The following ARRDC5 variants were observed in gnomAD, a reference collection of about 807,000 sequenced individuals.
The protein encoded by ARRDC5 is arrestin domain-containing protein 5.
Under a neutral mutation model 13.3 loss-of-function variants are expected in ARRDC5, and 12 were observed. The observed-to-expected ratio is 0.90, with a 90% confidence interval of 0.58 to 1.46. The LOEUF (loss-of-function observed/expected upper bound fraction) is 1.46, where lower values mean the gene tolerates loss of function less well. ARRDC5 is among the 40% of genes most tolerant of loss of function. ARRDC5 has a pLI of 0.00. For synonymous variants in ARRDC5, 181 were observed against 173.4 expected (o/e 1.04, Z -0.34); for missense variants, 406 against 418.7 (o/e 0.97, Z 0.26).
chr19:4,913,409 A>T, the ARRDC5 span, among the ~76,000 whole-genome samples: 1 of 151,734 alleles, frequency 6.6e-6, no homozygotes, highest in African/African-American at 2.4e-5. Context: ...ACCCACCACC[A>T]CGCCTGATTA....
rs1457032881 is a variant in ARRDC5, at chr19:4,891,048, A to G, written c.985T>C (p.Ter329GlnextTer46). ...VLPVNPDHQN[*>Q] ...TTAATATTTAAAAGTTCGGGCACTTAATTCTGGTGATCTGGGTTCACGGGT... is the reference window on the plus strand; with the variant it reads ...TTAATATTTAAAAGTTCGGGCACTTGATTCTGGTGATCTGGGTTCACGGGT... Residue 329 changes from the stop codon to glutamine (Q), a stop_lost, in exon 3 of 3, where the codon TAA becomes CAA. Transcript: ENST00000650722. 1 of 1,607,884 alleles carries G rather than the reference A, an allele frequency of 6.2e-7. No individual in the cohort carries two copies. Among genetic ancestry groups the G allele is most frequent in the Non-Finnish European group, 8.5e-7 (1 of 1,177,552 alleles).
chr19:4,896,313 CAAAAA>C (rs559677827), intron 2 of ARRDC5, among the ~76,000 whole-genome samples: 11,295 of 51,474 alleles, frequency 0.22, 1,727 homozygotes, highest in South Asian at 0.33. Context: ...GACTGCATCT[CAAAAA>C]AAAAAAAAAA....
In ARRDC5 at chr19:4,891,184, G is replaced by C. The variant is rs775411880; in HGVS notation, c.849C>G (p.Thr283=). 1.9e-6 allele frequency: 3 copies of C among 1,613,962 alleles called. No individual in the cohort carries two copies. Among genetic ancestry groups the C allele is most frequent in the Non-Finnish European group, 2.5e-6 (3 of 1,179,892 alleles). Residue 283 remains threonine (T), a synonymous_variant, in exon 3 of 3, where the codon ACC becomes ACG. Coordinates refer to ENST00000650722, the MANE Select transcript of ARRDC5 (RefSeq NM_001080523.3). ...TCAGGGACCAGGGCAGGTGCACGGT[G>C]GTGACCAGCTCGTAGCGAGTGTGCA... ...EIMHTRYELV[T]TVHLPWSLTS... is the part of the protein sequence containing the mutation.
Position 4,891,082 on chromosome 19 carries a change from G to A in ARRDC5, c.951C>T (p.Asp317=), listed in dbSNP as rs374918303. The A allele has an allele frequency of 8.5e-5, 137 of 1,613,580 alleles. No individual in the cohort carries two copies. Among genetic ancestry groups the A allele is most frequent in the Non-Finnish European group, 7.7e-5 (91 of 1,179,760 alleles). ...GATCTGGGTTCACGGGTAACACTCC[G>A]TCCTCTGACAGCTGGCAGATGGCAG... ...VDSAICQLSE[D]GVLPVNPDHQ... is the part of the protein sequence containing the mutation. Residue 317 remains aspartate (D), a synonymous_variant, in exon 3 of 3, where the codon GAC becomes GAT. Coordinates refer to ENST00000650722, the MANE Select transcript of ARRDC5 (RefSeq NM_001080523.3).
the ARRDC5 span, chr19:4,909,597 C>A: frequency 1.5e-6 from 1 of 646,246 alleles, no homozygotes; most frequent in Non-Finnish European, 2.8e-6. Context: ...GCGGTTTCAT[C>A]GCCATCCCCA....
intron 2 of ARRDC5, among the ~76,000 whole-genome samples, chr19:4,894,828 T>A (rs187538068): frequency 1.2e-3 from 190 of 152,216 alleles, no homozygotes; most frequent in Non-Finnish European, 2.3e-3. Context: ...AGGCAGACCC[T>A]TGACCCCCTC....
the ARRDC5 span, chr19:4,909,800 A>G: frequency 2.3e-6 from 1 of 435,688 alleles, no homozygotes; most frequent in Non-Finnish European, 4.0e-6. Flanking sequence ...CTTCCACCTA[A>G]CCCTCGGGAA....
Position 4,891,288 on chromosome 19 carries a change from T to G in ARRDC5, c.745A>C (p.Asn249His). 1.2e-6 allele frequency: 2 copies of G among 1,613,878 alleles called. No individual in the cohort carries two copies. The highest frequency in any genetic ancestry group is 1.1e-5 in the South Asian group (1 of 91,074). ...AAGGTGCTGACAACCTTGGTGGTGT[T>G]GAAGCGGGTCACGGGGGTGTTGGCC... ...QEANTPVTRF[N>H]TTKVVSTFNL... The change falls in exon 3 of 3, where the codon AAC becomes CAC. Residue 249 changes from asparagine (N) to histidine (H), a missense_variant. Physicochemically the swap from Asn to His is moderately conservative, Grantham distance 68. Transcript: ENST00000650722.
intron 1 of ARRDC5, among the ~76,000 whole-genome samples, chr19:4,899,354 G>T (rs1296367294): frequency 6.6e-6 from 1 of 151,964 alleles, no homozygotes; most frequent in African/African-American, 2.4e-5. Flanking sequence ...CCTGGGATGG[G>T]CATGGTGGCT....
Position 4,896,859 on chromosome 19 carries a change from C to T in ARRDC5, c.271G>A (p.Gly91Ser). 1 of 1,613,330 alleles carries T rather than the reference C, an allele frequency of 6.2e-7. No individual in the cohort carries two copies. The highest frequency in any genetic ancestry group is 8.5e-7 in the Non-Finnish European group (1 of 1,179,642). Residue 91 changes from glycine to serine, a missense_variant, in exon 2 of 3, where the codon GGC becomes AGC. Transcript: ENST00000650722. Reference protein sequence around the residue: ...FPVEDNWLSAGSHTFDFHFNL... With the variant: ...FPVEDNWLSASSHTFDFHFNL... ...AAATGGAAGTCAAAGGTGTGGCTGCCTGCACTTAACCAATTATCTGAAAGC... is the reference window on the plus strand; with the variant it reads ...AAATGGAAGTCAAAGGTGTGGCTGCTTGCACTTAACCAATTATCTGAAAGC...
At chr19:4,902,005 G>A (rs1308546586) in intron 1 of ARRDC5, among the ~76,000 whole-genome samples, 2 of 152,124 alleles carry the variant, frequency 1.3e-5, no homozygotes, top group African/African-American at 2.4e-5. Flanking sequence ...TCTTGCTTCA[G>A]CCTCCCAAGT....
intron 2 of ARRDC5, among the ~76,000 whole-genome samples, chr19:4,896,391 CACACACACACACACAT>C (rs1447586476): frequency 1.5e-5 from 2 of 130,918 alleles, no homozygotes; most frequent in African/African-American, 5.5e-5. Context: ...CACACACACA[CACACACACACACACAT>C]ATATATAATT....
chr19:4,897,018 G>A, intron 1 of ARRDC5, 142 bp from the exon 2 acceptor site: 1 of 608,988 alleles, frequency 1.6e-6, no homozygotes, highest in Non-Finnish European at 2.8e-6. Context: ...GTATAGTGGT[G>A]TGATCTCAGC....
chr19:4,893,359 G>A (rs1347321446), intron 2 of ARRDC5, among the ~76,000 whole-genome samples: 1 of 142,084 alleles, frequency 7.0e-6, no homozygotes, highest in Non-Finnish European at 1.5e-5. Flanking sequence ...TACAAAAGTT[G>A]GCCGGGTGTG....
upstream of ARRDC5, chr19:4,903,417 A>G (rs901041682): frequency 6.5e-6 from 1 of 153,428 alleles, no homozygotes; most frequent in Admixed American, 6.4e-5. Flanking sequence ...GGTTCAAGCA[A>G]TTCTCCTGCT....
chr19:4,893,572 C>G (rs761987464), intron 2 of ARRDC5, among the ~76,000 whole-genome samples: 17 of 150,058 alleles, frequency 1.1e-4, no homozygotes, highest in Non-Finnish European at 2.4e-4. Context: ...TTGCAACCCA[C>G]GACTGGGTTG....
At chr19:4,914,793 C>T in the ARRDC5 span, among the ~76,000 whole-genome samples, 1 of 152,110 alleles carries the variant, frequency 6.6e-6, no homozygotes, top group African/African-American at 2.4e-5. Flanking sequence ...GCTCCCACAT[C>T]ATCTTATTTT....
chr19:4,896,348 ATTTTT>A lies in ARRDC5; in HGVS notation c.459+318_459+322del, dbSNP rs1225628606. Among the ~76,000 whole-genome samples the A allele has an allele frequency of 3.9e-3, 234 of 59,582 alleles. 4 individuals are homozygous for A. Among genetic ancestry groups the A allele is most frequent in the Middle Eastern group, 0.031 (3 of 96 alleles). 39.1% of individuals were successfully genotyped at this position (59,582 alleles called of 152,430 possible). On this transcript the variant is annotated intron_variant, in intron 2 of 2. Coordinates refer to ENST00000650722, the MANE Select transcript of ARRDC5 (RefSeq NM_001080523.3). ...AAAAAAAATATATATATATATATAT[ATTTTT>A]TTTTTTTTACACACACACACACACA...
intron 1 of ARRDC5, among the ~76,000 whole-genome samples, chr19:4,899,561 G>A: frequency 6.6e-6 from 1 of 151,624 alleles, no homozygotes. Flanking sequence ...GAACCCAGGA[G>A]GTGGAGGTTG....
Sources: gnomAD v4.1 joint callset for allele counts (sites outside exome capture counted in the v4.1 genomes callset) on GRCh38, gnomAD v4.1.1 for gene constraint, MANE v1.5 for transcripts, NCBI Gene and HGNC (gene_info 2026-07-23, HGNC 2026-07-21) for gene names.